NATD1: variants seen among roughly 807,000 people sequenced by gnomAD.
The protein encoded by NATD1 is N-acetyltransferase domain containing 1, also known as protein NATD1.
A neutral mutation model predicts 12.0 loss-of-function variants in NATD1; 9 were observed. The ratio of observed to expected loss-of-function variants is 0.75; its 90% confidence interval spans 0.45 to 1.30. The LOEUF (loss-of-function observed/expected upper bound fraction) is 1.30. Ranked by LOEUF, NATD1 falls within the 50% of genes most tolerant of loss-of-function variation. The probability of loss-of-function intolerance (pLI) is 0.00; values close to 1 mark genes in which losing one functional copy is unlikely to be tolerated. For missense variants in NATD1, 148 were observed against 148.5 expected (o/e 1.00, Z 0.02); for synonymous variants, 71 against 65.9 (o/e 1.08, Z -0.37).
rs1975325056 is a variant in NATD1, at chr17:21,246,405, T to G, written c.107-2181A>C. On this transcript the variant is annotated intron_variant, in intron 1 of 2. Transcript: ENST00000611551. ...AGCGGGTGCTTGTAATCCCAGCTAC[T>G]TGGGAGGCTGAGGCAGGAGAATCAC... Among the ~76,000 whole-genome samples, 5 of 151,792 alleles carry G rather than the reference T, an allele frequency of 3.3e-5. 1 individual carries two copies. The highest frequency in any genetic ancestry group is 3.4e-3 in the Middle Eastern group (1 of 294).
At chr17:21,249,425 C>T (rs1049895079) in intron 1 of NATD1, among the ~76,000 whole-genome samples, 7 of 152,130 alleles carry the variant, frequency 4.6e-5, no homozygotes, top group African/African-American at 1.4e-4. Flanking sequence ...CTCAACCATA[C>T]GTCCCTCCCC....
intron 1 of NATD1, among the ~76,000 whole-genome samples, chr17:21,251,636 T>C (rs1215311703): frequency 6.6e-6 from 1 of 152,142 alleles, no homozygotes; most frequent in East Asian, 1.9e-4. Flanking sequence ...ATTGTCAGGG[T>C]ATTGTGACAG....
rs1194495811 is a variant in NATD1, at chr17:21,240,619, T to TA, written c.*2693dup. The TA allele has an allele frequency of 6.6e-6, 1 of 152,506 alleles. No individual in the cohort carries two copies. Among genetic ancestry groups the TA allele is most frequent in the Non-Finnish European group, 1.5e-5 (1 of 68,076 alleles). 9.4% of individuals were successfully genotyped at this position (152,506 alleles called of 1,614,324 possible). ...CTGCCTATTTTGACCCGGCAAGAAA[T>TA]ACAAACCCACAGGGTGAGGCGGGCA... On this transcript the variant is annotated 3_prime_UTR_variant, in exon 3 of 3. Transcript: ENST00000611551.
intron 1 of NATD1, among the ~76,000 whole-genome samples, chr17:21,250,947 T>C (rs1318929159): frequency 1.3e-5 from 2 of 152,196 alleles, no homozygotes; most frequent in Admixed American, 1.3e-4. Context: ...AGGTCGGGAA[T>C]GACACCACAG....
In NATD1 at chr17:21,251,189, GA is replaced by G. The variant is rs1444090416; in HGVS notation, c.106+1969del. Among the ~76,000 whole-genome samples the G allele has an allele frequency of 6.6e-5, 10 of 151,300 alleles. No individual in the cohort carries two copies. The East Asian group carries it at 1.8e-3, about 27-fold the overall frequency. On this transcript the variant is annotated intron_variant, in intron 1 of 2. Transcript: ENST00000611551. ...TCAGCTATCTGGGCAGTGAATTCCA[GA>G]AGGGGGTAAGTTTAGAAATACGGCT...
At position 21,250,417 on chromosome 17, in the gene NATD1, C is replaced by T. The variant is rs534345997; in HGVS notation, c.106+2742G>A. Among the ~76,000 whole-genome samples, 19 of 152,360 alleles carry T rather than the reference C, an allele frequency of 1.2e-4. No homozygotes were observed. In the Middle Eastern group the frequency reaches 0.014, roughly 109 times the overall value. ...AACACAGCCTCCCCTCTGCCCCCTG[C>T]ACCTCTCATGAAAGCCCTTGTTTTC... On this transcript the variant is annotated intron_variant, in intron 1 of 2. Coordinates refer to ENST00000611551, the MANE Select transcript of NATD1 (RefSeq NM_152914.3).
rs746028961 is a variant in NATD1 at position 21,243,317 on chromosome 17, G to T, written c.338C>A (p.Pro113Gln). ...PLPQYLERLQ[P>Q] Reference sequence around the variant, plus strand: ...GCTCCCGCCTGCAGGCCAGGGTTACGGCTGCAGGCGCTCCAGGTACTGCGG... The same window carrying T: ...GCTCCCGCCTGCAGGCCAGGGTTACTGCTGCAGGCGCTCCAGGTACTGCGG... The change falls in exon 3 of 3, where the codon CCG becomes CAG. Residue 113 changes from proline (P) to glutamine (Q), a missense_variant. Pro to Gln is a moderately conservative substitution (Grantham distance 76). Transcript: ENST00000611551. 1.9e-6 allele frequency: 3 copies of T among 1,611,892 alleles called. No homozygotes were observed. Among genetic ancestry groups the T allele is most frequent in the Non-Finnish European group, 2.5e-6 (3 of 1,179,806 alleles).
At chr17:21,245,708 C>A (rs1428441969) in intron 1 of NATD1, among the ~76,000 whole-genome samples, 3 of 152,200 alleles carry the variant, frequency 2.0e-5, no homozygotes, top group Non-Finnish European at 2.9e-5. Context: ...ACCGACACAC[C>A]TGCTACTTCC....
At chr17:21,248,563 C>G (rs1235504182) in intron 1 of NATD1, among the ~76,000 whole-genome samples, 1 of 152,200 alleles carries the variant, frequency 6.6e-6, no homozygotes, top group Non-Finnish European at 1.5e-5. Flanking sequence ...CTCCCCTGAC[C>G]ACCCGCAGCC....
rs1423849127 is a variant in NATD1 at position 21,253,093 on chromosome 17, G to A, written c.106+66C>T. On this transcript the variant is annotated intron_variant, in intron 1 of 2. Transcript: ENST00000611551. ...GCGCGGGGGACAGGCACCCAGCAAG[G>A]GGGCGGCCCCGGCGGGCCCCGCTCG... 3.5e-6 allele frequency: 3 copies of A among 853,182 alleles called. No individual in the cohort carries two copies. In the East Asian group the frequency reaches 3.4e-4, roughly 96 times the overall value. 52.9% of individuals were successfully genotyped at this position (853,182 alleles called of 1,614,324 possible). A position where few individuals can be genotyped will look rare whatever the true frequency, so the allele number is the denominator to read the frequency against.
rs1975261989 is a variant in NATD1 at position 21,240,722 on chromosome 17, C to G, written c.*2591G>C. The G allele has an allele frequency of 1.3e-5, 2 of 152,774 alleles. No individual in the cohort carries two copies. Among genetic ancestry groups the G allele is most frequent in the Non-Finnish European group, 2.9e-5 (2 of 68,234 alleles). 9.5% of individuals were successfully genotyped at this position (152,774 alleles called of 1,614,324 possible). A position where few individuals can be genotyped will look rare whatever the true frequency, so the allele number is the denominator to read the frequency against. On this transcript the variant is annotated 3_prime_UTR_variant, in exon 3 of 3. Coordinates refer to ENST00000611551, the MANE Select transcript of NATD1 (RefSeq NM_152914.3). ...TCAGGTTCTCGCCCAGGTGCATAAA[C>G]CGGCCCCATGTGGCGGCATCCTTAC...
intron 1 of NATD1, among the ~76,000 whole-genome samples, chr17:21,247,885 C>T (rs1323233124): frequency 6.6e-6 from 1 of 152,148 alleles, no homozygotes; most frequent in Non-Finnish European, 1.5e-5. Flanking sequence ...TCCTGCTGTC[C>T]CGTCATGGGT....
rs1975262196 is a variant in NATD1, at chr17:21,240,730, A to T, written c.*2583T>A. 1 of 152,270 alleles carries T rather than the reference A, an allele frequency of 6.6e-6. No homozygotes were observed. Among genetic ancestry groups the T allele is most frequent in the Admixed American group, 6.6e-5 (1 of 15,260 alleles). The allele number at this position is 152,270 out of a possible 1,614,324, so 9.4% of individuals were successfully genotyped here. Reference sequence around the variant, plus strand: ...TCGCCCAGGTGCATAAACCGGCCCCATGTGGCGGCATCCTTACCAAGGACC... The same window carrying T: ...TCGCCCAGGTGCATAAACCGGCCCCTTGTGGCGGCATCCTTACCAAGGACC... On this transcript the variant is annotated 3_prime_UTR_variant, in exon 3 of 3. Transcript: ENST00000611551.
chr17:21,244,055 G>T lies in NATD1; in HGVS notation c.225+51C>A. 7 of 1,512,070 alleles carry T rather than the reference G, an allele frequency of 4.6e-6. No individual in the cohort carries two copies. The highest frequency in any genetic ancestry group is 6.3e-6 in the Non-Finnish European group (7 of 1,107,684). 93.7% of individuals were successfully genotyped at this position (1,512,070 alleles called of 1,614,324 possible). On this transcript the variant is annotated intron_variant, in intron 2 of 2. Coordinates refer to ENST00000611551, the MANE Select transcript of NATD1 (RefSeq NM_152914.3). The surrounding 1 kb of genome is among the most constrained non-coding windows in gnomAD (Gnocchi z 5.2). ...CCACCGTCTCCTCGGAGCGAAGGTG[G>T]CAGCCCCCATGTCCCCGTCCCCGCT...
chr17:21,243,110 C>A lies in NATD1; in HGVS notation c.*203G>T, dbSNP rs1975292037. The A allele has an allele frequency of 1.9e-6, 1 of 537,782 alleles. No homozygotes were observed. The highest frequency in any genetic ancestry group is 3.3e-6 in the Non-Finnish European group (1 of 298,664). The allele number at this position is 537,782 out of a possible 1,614,324, so 33.3% of individuals were successfully genotyped here. A position where few individuals can be genotyped will look rare whatever the true frequency, so the allele number is the denominator to read the frequency against. On this transcript the variant is annotated 3_prime_UTR_variant, in exon 3 of 3. Transcript: ENST00000611551. ...GTGAGAGGTGCCGGGACTACCTGGC[C>A]TCCTTGCCGCCTCGGTTACCGGGTC...
chr17:21,248,880 T>C (rs1975351067), intron 1 of NATD1, among the ~76,000 whole-genome samples: 1 of 152,182 alleles, frequency 6.6e-6, no homozygotes, highest in Non-Finnish European at 1.5e-5. Context: ...CCCAGAGACC[T>C]CACCTGTCCC....
intron 1 of NATD1, among the ~76,000 whole-genome samples, chr17:21,250,182 T>C (rs1342916159): frequency 1.3e-5 from 2 of 152,210 alleles, no homozygotes; most frequent in South Asian, 2.1e-4. Context: ...TTCCAGGCCC[T>C]GCACCACCTG....
rs755322697 is a variant in NATD1, at chr17:21,244,157, G to A, written c.174C>T (p.Thr58=). The A allele has an allele frequency of 1.2e-6, 2 of 1,613,002 alleles. No homozygotes were observed. The highest frequency in any genetic ancestry group is 2.2e-5 in the East Asian group (1 of 44,850). The change falls in exon 2 of 3, where the codon ACC becomes ACT. Residue 58 remains threonine (T), a synonymous_variant. Coordinates refer to ENST00000611551, the MANE Select transcript of NATD1 (RefSeq NM_152914.3). The surrounding 1 kb of genome is among the most constrained non-coding windows in gnomAD (Gnocchi z 5.2). ...VGKRIVDLQH[T]EVPDAYRGRG... ...GCCCACGGTAGGCATCTGGGACCTC[G>A]GTGTGCTGCAGGTCCACGATCCGCT...
Position 21,239,831 on chromosome 17 carries a change from C to T in NATD1, c.*3482G>A, listed in dbSNP as rs887531607. On this transcript the variant is annotated 3_prime_UTR_variant, in exon 3 of 3. Transcript: ENST00000611551. ...CAGGCCTGGCAATTTATCTTTCATT[C>T]TGAGTAGCCATGTAACCCCTAGTGG... 6 of 152,248 alleles carry T rather than the reference C, an allele frequency of 3.9e-5. No individual in the cohort carries two copies. Among genetic ancestry groups the T allele is most frequent in the Admixed American group, 2.6e-4 (4 of 15,274 alleles). The allele number at this position is 152,248 out of a possible 1,614,324, so 9.4% of individuals were successfully genotyped here.
Sources: allele counts gnomAD v4.1 joint callset (sites outside exome capture counted in the v4.1 genomes callset), GRCh38; gene constraint gnomAD v4.1.1; non-coding constraint Gnocchi (gnomAD v3.1); transcripts MANE v1.5; gene names NCBI Gene and HGNC (gene_info 2026-07-23, HGNC 2026-07-21).